Variants in IGSF10 observed in about 807,000 individuals in gnomAD.
IGSF10 encodes the protein calvaria mechanical force protein 608.
Under a neutral mutation model 128.2 loss-of-function variants are expected in IGSF10, and 126 were observed. That is an observed-to-expected ratio of 0.98 (90% CI 0.85 to 1.14). The LOEUF (loss-of-function observed/expected upper bound fraction) is 1.14, where lower values mean the gene tolerates loss of function less well. Ranked by LOEUF, IGSF10 falls within the 50% of genes most tolerant of loss-of-function variation. The pLI is 0.00. For synonymous variants in IGSF10, 1,185 were observed against 1,146.2 expected (o/e 1.03, Z -0.68); for missense variants, 3,295 against 3,149.8 (o/e 1.05, Z -1.10).
At chr3:151,540,519 T>G in the IGSF10 span, among the ~76,000 whole-genome samples, 1 of 152,198 alleles carries the variant, frequency 6.6e-6, no homozygotes, top group African/African-American at 2.4e-5. Context: ...TAAACCACAG[T>G]GTAGTTATCC....
intron 7 of IGSF10, chr3:151,440,681 T>C: frequency 4.4e-6 from 2 of 451,416 alleles, no homozygotes; most frequent in South Asian, 3.1e-5. Flanking sequence ...TGGCTAAACA[T>C]TAAAACACTT....
the IGSF10 span, among the ~76,000 whole-genome samples, chr3:151,473,878 T>A: frequency 3.3e-5 from 5 of 152,102 alleles, no homozygotes; most frequent in African/African-American, 1.2e-4. Context: ...ATAGCCCTTA[T>A]AATTGGAGGC....
At chr3:151,554,136 ACAC>A in the IGSF10 span, among the ~76,000 whole-genome samples, 2 of 37,860 alleles carry the variant, frequency 5.3e-5, no homozygotes, top group Non-Finnish European at 1.0e-4. Context: ...GTGAGATCAC[ACAC>A]ACACACACAC....
chr3:151,591,192 G>A, the IGSF10 span, among the ~76,000 whole-genome samples: 2 of 151,242 alleles, frequency 1.3e-5, no homozygotes, highest in East Asian at 3.9e-4. Context: ...AATGCATCAA[G>A]AAATATGCAA....
chr3:151,605,998 GC>G, the IGSF10 span, among the ~76,000 whole-genome samples: 1 of 152,170 alleles, frequency 6.6e-6, no homozygotes, highest in Non-Finnish European at 1.5e-5. Context: ...TAGTGATGCT[GC>G]TGGTCCAGAG....
the IGSF10 span, among the ~76,000 whole-genome samples, chr3:151,517,267 C>A: frequency 2.6e-5 from 4 of 151,858 alleles, no homozygotes; most frequent in Admixed American, 6.6e-5. Flanking sequence ...GAAATATATC[C>A]CATCAGATAT....
chr3:151,432,940 A>C, downstream of IGSF10: 6 of 517,670 alleles, frequency 1.2e-5, no homozygotes, highest in Non-Finnish European at 1.5e-5. Flanking sequence ...GCTACATCTC[A>C]CAAAAAAAAA....
chr3:151,435,659 T>C (rs540776025), downstream of IGSF10: 1 of 152,234 alleles, frequency 6.6e-6, no homozygotes, highest in African/African-American at 2.4e-5. Flanking sequence ...GAATAGATGC[T>C]GGAGAAATTA....
chr3:151,550,499 T>A, the IGSF10 span, among the ~76,000 whole-genome samples: 2 of 152,204 alleles, frequency 1.3e-5, no homozygotes, highest in Non-Finnish European at 2.9e-5. Context: ...AGGCAAAGAA[T>A]CCAACTTGGC....
At chr3:151,606,096 C>T in the IGSF10 span, among the ~76,000 whole-genome samples, 1 of 152,174 alleles carries the variant, frequency 6.6e-6, no homozygotes. Context: ...AGAGGGTGGG[C>T]TCCTTATTCT....
chr3:151,470,217 G>C, the IGSF10 span, among the ~76,000 whole-genome samples: 1 of 152,184 alleles, frequency 6.6e-6, no homozygotes, highest in Non-Finnish European at 1.5e-5. Flanking sequence ...GGAGTGCTCT[G>C]TAATGGACTC....
At chr3:151,498,471 G>T in the IGSF10 span, among the ~76,000 whole-genome samples, 8 of 152,088 alleles carry the variant, frequency 5.3e-5, no homozygotes, top group Non-Finnish European at 1.2e-4. Flanking sequence ...CCATGATCAA[G>T]TGGGCTTCAT....
At chr3:151,618,468 C>T in the IGSF10 span, among the ~76,000 whole-genome samples, 1 of 152,104 alleles carries the variant, frequency 6.6e-6, no homozygotes, top group Admixed American at 6.5e-5. Context: ...CGGTGGCTCA[C>T]GCCTGTAATC....
the IGSF10 span, among the ~76,000 whole-genome samples, chr3:151,496,339 C>T: frequency 7.0e-6 from 1 of 143,162 alleles, no homozygotes; most frequent in African/African-American, 2.6e-5. Context: ...CTAATGCTAT[C>T]CTTCCCCCCT....
chr3:151,492,699 C>T, the IGSF10 span, among the ~76,000 whole-genome samples: 1 of 151,974 alleles, frequency 6.6e-6, no homozygotes, highest in Non-Finnish European at 1.5e-5. Context: ...GCCTGGGTGA[C>T]AGTACAGGCT....
At chr3:151,551,661 TTA>T in the IGSF10 span, among the ~76,000 whole-genome samples, 16 of 96,770 alleles carry the variant, frequency 1.7e-4, no homozygotes, top group African/African-American at 6.5e-4. Context: ...AACATGGGCA[TTA>T]CACACACACA....
chr3:151,514,794 A>C, the IGSF10 span, among the ~76,000 whole-genome samples: 1 of 152,212 alleles, frequency 6.6e-6, no homozygotes, highest in East Asian at 1.9e-4. Context: ...AACCCCATCA[A>C]AAAGTGGGCA....
chr3:151,500,754 T>C, the IGSF10 span, among the ~76,000 whole-genome samples: 2 of 152,120 alleles, frequency 1.3e-5, no homozygotes, highest in African/African-American at 2.4e-5. Context: ...ATATTCCATA[T>C]CGTCTTTTCT....
the IGSF10 span, among the ~76,000 whole-genome samples, chr3:151,470,839 G>A: frequency 2.6e-5 from 4 of 152,162 alleles, no homozygotes; most frequent in African/African-American, 9.7e-5. Context: ...GCTGTGTAAA[G>A]TCTATTAAAT....
Sources: gnomAD v4.1 joint callset for allele counts (sites outside exome capture counted in the v4.1 genomes callset) on GRCh38, gnomAD v4.1.1 for gene constraint, MANE v1.5 for transcripts, NCBI Gene and HGNC (gene_info 2026-07-23, HGNC 2026-07-21) for gene names.